The following AQR variants were observed in gnomAD, a reference collection of about 807,000 sequenced individuals.
AQR encodes the protein RNA helicase aquarius.
AQR carries 61 observed loss-of-function variants against 180.5 expected under a neutral mutation model. That is an observed-to-expected ratio of 0.34 (90% CI 0.28 to 0.42). AQR has a LOEUF of 0.42. AQR is among the 10% of genes least tolerant of loss of function. The pLI, the probability that AQR is intolerant of heterozygous loss-of-function variation, is 1.00. For missense variants in AQR, 1,281 were observed against 1,798.3 expected, an observed-to-expected ratio of 0.71 and a Z score of 5.20; for synonymous variants, 551 against 588.8, an observed-to-expected ratio of 0.94 and a Z score of 0.93.
intron 3 of AQR, 22 bp downstream of exon 3, chr15:34,960,752 T>C (rs774994515): frequency 3.4e-6 from 3 of 884,262 alleles, no homozygotes; most frequent in Non-Finnish European, 5.3e-6. Context: ...TCACATTGTA[T>C]AAAATTTAAA....
chr15:34,918,279 T>G lies in AQR; in HGVS notation c.1321A>C (p.Thr441Pro). 6.2e-7 allele frequency: 1 copy of G among 1,613,694 alleles called. No individual in the cohort carries two copies. The highest frequency in any genetic ancestry group is 8.5e-7 in the Non-Finnish European group (1 of 1,179,782). Reference sequence around the variant, plus strand: ...ATACCTTCTCCAGAATAGTACTCAGTTGGGACAATATTTTCATCCCATATA... The same window carrying G: ...ATACCTTCTCCAGAATAGTACTCAGGTGGGACAATATTTTCATCCCATATA... ...KIIWDENIVP[T>P]EYYSGEGCLA... The change falls in exon 15 of 35, where the codon ACT becomes CCT. Residue 441 changes from threonine to proline, a missense_variant. Thr to Pro is a conservative substitution (Grantham distance 38). Around this residue, in one of 9 missense-constraint regions of AQR, gnomAD observed 200 missense variants for 293.4 expected, o/e 0.68. Coordinates refer to ENST00000156471, the MANE Select transcript of AQR (RefSeq NM_014691.3).
chr15:34,857,953 A>G (rs754781390), intron 34 of AQR, among the ~76,000 whole-genome samples: 1 of 152,042 alleles, frequency 6.6e-6, no homozygotes, highest in Non-Finnish European at 1.5e-5. Context: ...TCTGCTTACA[A>G]TGCTGGAAAT....
chr15:34,884,636 T>G lies in AQR; in HGVS notation c.2916A>C (p.Glu972Asp), dbSNP rs1287527681. 6 of 1,611,274 alleles carry G rather than the reference T, an allele frequency of 3.7e-6. No individual in the cohort carries two copies. The highest frequency in any genetic ancestry group is 5.1e-6 in the Non-Finnish European group (6 of 1,179,354). The change falls in exon 26 of 35, where the codon GAA (glutamate) becomes GAC (aspartate). Residue 972 changes from glutamate to aspartate, a missense_variant. By Grantham distance (45) the Glu-to-Asp change is conservative. This residue lies in a region of AQR where 125 missense variants were observed against 185.0 expected (regional missense o/e 0.68). Transcript: ENST00000156471. ...TEVSTFFPFHEYFANAPQPIF... is the reference protein window; with the variant it reads ...TEVSTFFPFHDYFANAPQPIF... ...TGGGTTGAGGAGCATTTGCAAAGTA[T>G]TCATGGAAAGGGAAGAAAGTGGAGA...
At chr15:34,963,694 C>T (rs1209542563) in intron 2 of AQR, among the ~76,000 whole-genome samples, 2 of 145,552 alleles carry the variant, frequency 1.4e-5, no homozygotes, top group African/African-American at 2.8e-5. Flanking sequence ...GATGGAGTCT[C>T]GCTCTGTCAT....
At position 34,897,799 on chromosome 15, in the gene AQR, G is replaced by A. The variant is rs1287642365; in HGVS notation, c.2244-94C>T. 10 of 1,351,438 alleles carry A rather than the reference G, an allele frequency of 7.4e-6. 1 individual carries two copies. In the Middle Eastern group the frequency reaches 5.8e-4, roughly 78 times the overall value. The allele number at this position is 1,351,438 out of a possible 1,614,324, so 83.7% of individuals were successfully genotyped here. On this transcript the variant is annotated intron_variant, in intron 20 of 34. Coordinates refer to ENST00000156471, the MANE Select transcript of AQR (RefSeq NM_014691.3). ...GACATTGTATGCACGATAATCAGAGGAGTAAGAAACATTTCTGGCTTAAAG... is the reference window on the plus strand; with the variant it reads ...GACATTGTATGCACGATAATCAGAGAAGTAAGAAACATTTCTGGCTTAAAG...
intron 5 of AQR, among the ~76,000 whole-genome samples, chr15:34,946,765 G>T (rs917121072): frequency 6.8e-6 from 1 of 148,116 alleles, no homozygotes; most frequent in Admixed American, 6.7e-5. Context: ...AGGTGGGGGG[G>T]TCAGCCCCCC....
rs984045743 is a variant in AQR, at chr15:34,873,866, C to T, written c.3559G>A (p.Gly1187Arg). The T allele has an allele frequency of 6.8e-6, 11 of 1,606,172 alleles. No homozygotes were observed. The highest frequency in any genetic ancestry group is 9.4e-6 in the Non-Finnish European group (11 of 1,175,778). Residue 1187 changes from glycine (G) to arginine (R), a missense_variant, in exon 30 of 35, where the codon GGA becomes AGA. This residue lies in a region of AQR where 197 missense variants were observed against 320.7 expected (regional missense o/e 0.61). Coordinates refer to ENST00000156471, the MANE Select transcript of AQR (RefSeq NM_014691.3). The part of the protein sequence containing the change: ...FQLINVEDFQ[G>R]VGESEPNPYF... ...GGATTAGGTTCAGATTCTCCCACTC[C>T]TTGAAAATCTTCAACATTAATGAGC...
intron 13 of AQR, among the ~76,000 whole-genome samples, chr15:34,920,767 G>C (rs1429009129): frequency 6.6e-6 from 1 of 152,132 alleles, no homozygotes; most frequent in Non-Finnish European, 1.5e-5. Context: ...GACTATGCTG[G>C]CTAACATGGT....
At position 34,887,195 on chromosome 15, in the gene AQR, G is replaced by C. The variant is rs559738230; in HGVS notation, c.2682-534C>G. On this transcript the variant is annotated intron_variant, in intron 24 of 34. Transcript: ENST00000156471. ...GTATTGATCTGCAAGGGTGTTACTG[G>C]TCTAGGAGGAGGGAAAGTCAACTAC... is the stretch of plus-strand genomic sequence containing the variant. 2.6e-5 allele frequency among the ~76,000 whole-genome samples: 4 copies of C among 151,996 alleles called. No homozygotes were observed. The East Asian group carries it at 7.7e-4, about 29-fold the overall frequency.
At chr15:34,955,118 G>A (rs748496801) in intron 3 of AQR, among the ~76,000 whole-genome samples, 2 of 151,946 alleles carry the variant, frequency 1.3e-5, no homozygotes, top group East Asian at 1.9e-4. Context: ...GTGAGTCTCC[G>A]TCTCAAAATA....
chr15:34,858,894 T>C (rs1239259601), intron 34 of AQR, among the ~76,000 whole-genome samples: 1 of 152,136 alleles, frequency 6.6e-6, no homozygotes, highest in African/African-American at 2.4e-5. Context: ...GACAAATGAA[T>C]AAAACTCAGT....
intron 32 of AQR, 144 bp downstream of exon 32, chr15:34,867,380 T>A: frequency 1.5e-6 from 1 of 652,128 alleles, no homozygotes; most frequent in Admixed American, 2.8e-5. Flanking sequence ...GAATTTGATG[T>A]TACATTCCAA....
At chr15:34,968,088 C>G (rs1470926930) in intron 1 of AQR, among the ~76,000 whole-genome samples, 1 of 152,088 alleles carries the variant, frequency 6.6e-6, no homozygotes, top group Non-Finnish European at 1.5e-5. Context: ...GCTGGGATTA[C>G]AGGCATGAGC....
intron 3 of AQR, among the ~76,000 whole-genome samples, chr15:34,954,347 C>T (rs1313245422): frequency 6.6e-6 from 1 of 152,042 alleles, no homozygotes; most frequent in Non-Finnish European, 1.5e-5. Flanking sequence ...GCTCTATTGC[C>T]CAGGCTAGAG....
intron 34 of AQR, among the ~76,000 whole-genome samples, chr15:34,858,335 A>AG (rs949019148): frequency 6.6e-5 from 10 of 150,968 alleles, no homozygotes; most frequent in African/African-American, 2.4e-4. Flanking sequence ...AAAAAAAAAA[A>AG]AAAAAAGAAA....
intron 34 of AQR, among the ~76,000 whole-genome samples, chr15:34,858,716 T>C (rs1448741427): frequency 6.6e-6 from 1 of 152,108 alleles, no homozygotes; most frequent in East Asian, 1.9e-4. Flanking sequence ...ATAATCAAGG[T>C]AGTACAGTCA....
Position 34,897,588 on chromosome 15 carries a change from C to T in AQR, c.2361G>A (p.Arg787=). 2 of 1,614,046 alleles carry T rather than the reference C, an allele frequency of 1.2e-6. No homozygotes were observed. The highest frequency in any genetic ancestry group is 1.7e-6 in the Non-Finnish European group (2 of 1,179,988). The change falls in exon 21 of 35, where the codon AGG becomes AGA. Residue 787 remains arginine, a synonymous_variant. Coordinates refer to ENST00000156471, the MANE Select transcript of AQR (RefSeq NM_014691.3). ...LIVEPHVIPN[R]GPYPYNQPKR... is the part of the protein sequence containing the mutation. ...TGGGTTGATTATAAGGATAAGGACCCCTATTAGGAATAACATGGGGCTCAA... is the reference window on the plus strand; with the variant it reads ...TGGGTTGATTATAAGGATAAGGACCTCTATTAGGAATAACATGGGGCTCAA...
Position 34,929,546 on chromosome 15 carries a change from A to G in AQR, c.1014+712T>C, listed in dbSNP as rs150479937. On this transcript the variant is annotated intron_variant, in intron 12 of 34. Transcript: ENST00000156471. The stretch of plus-strand genomic sequence containing the variant: ...CGTCTCTGTTCTGCTCCATTGGTCT[A>G]TATGTCTGTTTTGGTACCAGTACCA... Among the ~76,000 whole-genome samples the G allele has an allele frequency of 3.0e-3, 458 of 152,286 alleles. 4 individuals carry two copies. Among genetic ancestry groups the G allele is most frequent in the African/African-American group, 0.01 (427 of 41,554 alleles).
At chr15:34,888,247 G>A (rs190618851) in intron 24 of AQR, among the ~76,000 whole-genome samples, 39 of 151,914 alleles carry the variant, frequency 2.6e-4, no homozygotes, top group Admixed American at 1.2e-3. Context: ...ACAGTGAACC[G>A]AGATCATACC....
Sources: allele counts gnomAD v4.1 joint callset (sites outside exome capture counted in the v4.1 genomes callset), GRCh38; gene constraint gnomAD v4.1.1; regional missense constraint gnomAD v4.1.1; transcripts MANE v1.5; gene names NCBI Gene and HGNC (gene_info 2026-07-23, HGNC 2026-07-21).